ARL15: variants seen among roughly 807,000 people sequenced by gnomAD.
ARL15 encodes ADP-ribosylation factor-like protein 15.
A neutral mutation model predicts 25.2 loss-of-function variants in ARL15; 19 were observed. The ratio of observed to expected loss-of-function variants is 0.75; its 90% CI spans 0.53 to 1.10. ARL15 has a LOEUF of 1.10. Ranked by LOEUF, ARL15 falls within the 50% of genes least tolerant of loss-of-function variation. The pLI is 0.00. For missense variants in ARL15, 220 were observed against 246.0 expected (o/e 0.89, Z 0.71); for synonymous variants, 94 against 86.8 (o/e 1.08, Z -0.46).
chr5:54,001,121 A>AAAACAAAATTTG (rs1197867169), intron 4 of ARL15, among the ~76,000 whole-genome samples: 1 of 152,178 alleles, frequency 6.6e-6, no homozygotes, highest in Non-Finnish European at 1.5e-5. Flanking sequence ...TTTGTTTTGC[A>AAAACAAAATTTG]CTATGCCCTG....
intron 1 of ARL15, among the ~76,000 whole-genome samples, chr5:54,224,559 A>G (rs1756467895): frequency 6.6e-6 from 1 of 152,160 alleles, no homozygotes. Context: ...ATAACTATAA[A>G]TCAGCATCTG....
chr5:54,288,487 T>C (rs1758240056), intron 1 of ARL15, among the ~76,000 whole-genome samples: 1 of 152,156 alleles, frequency 6.6e-6, no homozygotes, highest in African/African-American at 2.4e-5. Context: ...AATGAAACTG[T>C]CAAAGCCACT....
At chr5:54,294,205 CG>C (rs1758411969) in intron 1 of ARL15, among the ~76,000 whole-genome samples, 1 of 152,212 alleles carries the variant, frequency 6.6e-6, no homozygotes, top group Non-Finnish European at 1.5e-5. Context: ...ACTAACCCAG[CG>C]GCTGGCAAAT....
intron 3 of ARL15, among the ~76,000 whole-genome samples, chr5:54,140,413 T>C (rs1392715432): frequency 1.5e-5 from 2 of 134,856 alleles, no homozygotes; most frequent in Admixed American, 8.1e-5. Context: ...CGTGTGTGGA[T>C]AGACAGATAG....
chr5:53,938,463 T>C (rs1746425988), intron 4 of ARL15, among the ~76,000 whole-genome samples: 1 of 152,252 alleles, frequency 6.6e-6, no homozygotes, highest in Non-Finnish European at 1.5e-5. Context: ...AATAACCTTT[T>C]CAGTATTTTG....
chr5:53,969,054 G>A (rs975211295), intron 4 of ARL15, among the ~76,000 whole-genome samples: 2 of 151,954 alleles, frequency 1.3e-5, no homozygotes, highest in Non-Finnish European at 2.9e-5. Flanking sequence ...GGAGGCTGAG[G>A]CAGGAGAATT....
At chr5:54,019,935 C>T (rs1415824995) in intron 4 of ARL15, among the ~76,000 whole-genome samples, 2 of 152,168 alleles carry the variant, frequency 1.3e-5, no homozygotes, top group African/African-American at 4.8e-5. Flanking sequence ...TTATTCTCTT[C>T]TTCTCACATC....
chr5:54,225,219 A>G (rs1382417235), intron 1 of ARL15, among the ~76,000 whole-genome samples: 1 of 152,188 alleles, frequency 6.6e-6, no homozygotes, highest in Admixed American at 6.6e-5. Flanking sequence ...AATTTCAGTC[A>G]GGTTTAAAAA....
At chr5:54,110,065 T>C (rs932859060) in intron 4 of ARL15, among the ~76,000 whole-genome samples, 3 of 152,012 alleles carry the variant, frequency 2.0e-5, no homozygotes, top group Non-Finnish European at 2.9e-5. Flanking sequence ...ATATGTAATG[T>C]ACAAGACTAC....
At chr5:54,049,919 T>C (rs998622495) in intron 4 of ARL15, among the ~76,000 whole-genome samples, 1 of 152,162 alleles carries the variant, frequency 6.6e-6, no homozygotes, top group Admixed American at 6.5e-5. Flanking sequence ...CTAAACAACT[T>C]GTTTTCAATA....
chr5:54,287,533 G>T (rs74865118), intron 1 of ARL15, among the ~76,000 whole-genome samples: 1 of 151,324 alleles, frequency 6.6e-6, no homozygotes, highest in Non-Finnish European at 1.5e-5. Flanking sequence ...CCCATAATGC[G>T]CAAGCATCTG....
At position 54,136,869 on chromosome 5, in the gene ARL15, GT is replaced by G. The variant is rs760461874; in HGVS notation, c.253+17710del. Reference sequence around the variant, plus strand: ...AAGCTAGACAGGACAGTCTGCCTGGGTTTTTTTTTTTTTTTTAGTTTAGTTC... The same window carrying G: ...AAGCTAGACAGGACAGTCTGCCTGGGTTTTTTTTTTTTTTTAGTTTAGTTC... On this transcript the variant is annotated intron_variant, in intron 3 of 4. Transcript: ENST00000504924. Among the ~76,000 whole-genome samples, 530 of 137,998 alleles carry G rather than the reference GT, an allele frequency of 3.8e-3. 1 individual carries two copies. The highest frequency in any genetic ancestry group is 3.9e-3 in the Admixed American group (54 of 13,810). 90.5% of individuals were successfully genotyped at this position (137,998 alleles called of 152,430 possible).
chr5:53,935,902 C>T (rs565625407), intron 4 of ARL15, among the ~76,000 whole-genome samples: 57 of 152,232 alleles, frequency 3.7e-4, no homozygotes, highest in African/African-American at 1.3e-3. Flanking sequence ...ATGTGCATCA[C>T]CACACCCAGC....
chr5:54,065,494 T>C (rs1488020170), intron 4 of ARL15, among the ~76,000 whole-genome samples: 6 of 151,988 alleles, frequency 3.9e-5, no homozygotes, highest in Non-Finnish European at 8.8e-5. Flanking sequence ...AGCGAAACCC[T>C]GTCTCTACTA....
At chr5:54,198,322 A>C (rs200694063) in intron 1 of ARL15, among the ~76,000 whole-genome samples, 10,195 of 126,810 alleles carry the variant, frequency 0.08, 2 homozygotes, top group Non-Finnish European at 0.12. Context: ...AAGGAAATAA[A>C]GGGTATTCAA....
chr5:54,243,087 G>C (rs1462181422), intron 1 of ARL15, among the ~76,000 whole-genome samples: 2 of 152,122 alleles, frequency 1.3e-5, no homozygotes, highest in African/African-American at 4.8e-5. Context: ...ACATCTCCAA[G>C]TATCAACAAT....
chr5:54,084,040 G>A (rs1229017298), intron 4 of ARL15, among the ~76,000 whole-genome samples: 1 of 152,126 alleles, frequency 6.6e-6, no homozygotes, highest in African/African-American at 2.4e-5. Flanking sequence ...GGGAACCAAG[G>A]GGCTGAGTCG....
At chr5:54,154,696 CTT>C in intron 2 of ARL15, 57 bp from the exon 3 acceptor site, 1 of 1,046,240 alleles carries the variant, frequency 9.6e-7, no homozygotes, top group Non-Finnish European at 1.4e-6. Context: ...AATTAAAACA[CTT>C]AGGATGCTCA....
At position 54,088,361 on chromosome 5, in the gene ARL15, C is replaced by T. The variant is rs140244837; in HGVS notation, c.462+24841G>A. On this transcript the variant is annotated intron_variant, in intron 4 of 4. Transcript: ENST00000504924. Reference sequence around the variant, plus strand: ...GAAATGGCAGAAAATGTGAAGTAAACGAGTAAAAGAAAACCTGCAAGACTA... The same window carrying T: ...GAAATGGCAGAAAATGTGAAGTAAATGAGTAAAAGAAAACCTGCAAGACTA... Among the ~76,000 whole-genome samples, 47 of 152,026 alleles carry T rather than the reference C, an allele frequency of 3.1e-4. 1 individual carries two copies. In the East Asian group the frequency reaches 5.8e-3, roughly 19 times the overall value.
Sources: gnomAD v4.1 joint callset for allele counts (sites outside exome capture counted in the v4.1 genomes callset) on GRCh38, gnomAD v4.1.1 for gene constraint, MANE v1.5 for transcripts, NCBI Gene and HGNC (gene_info 2026-07-23, HGNC 2026-07-21) for gene names.